Variants in GRIN3A observed in about 807,000 individuals in gnomAD.
GRIN3A encodes glutamate ionotropic receptor NMDA type subunit 3A, also known as glutamate receptor ionotropic, NMDA 3A.
Under a neutral mutation model 92.4 loss-of-function variants are expected in GRIN3A, and 47 were observed. The ratio of observed to expected loss-of-function variants is 0.51; its 90% confidence interval spans 0.40 to 0.65. GRIN3A has a LOEUF of 0.65. Ranked by LOEUF, GRIN3A falls within the 30% of genes least tolerant of loss-of-function variation. The probability of loss-of-function intolerance (pLI) is 0.00; values close to 1 mark genes in which losing one functional copy is unlikely to be tolerated. For missense variants in GRIN3A, 1,324 were observed against 1,393.1 expected (o/e 0.95, Z 0.79); for synonymous variants, 527 against 540.6 (o/e 0.97, Z 0.35).
At chr9:101,676,818 C>CTTATCATT (rs1829402423) in intron 2 of GRIN3A, among the ~76,000 whole-genome samples, 2 of 151,480 alleles carry the variant, frequency 1.3e-5, no homozygotes, top group African/African-American at 4.8e-5. Flanking sequence ...CAATAAAGTC[C>CTTATCATT]TTATCATTTG....
At chr9:101,680,587 G>C (rs1264787111) in intron 2 of GRIN3A, among the ~76,000 whole-genome samples, 1 of 152,060 alleles carries the variant, frequency 6.6e-6, no homozygotes, top group Non-Finnish European at 1.5e-5. Context: ...TATAATCACT[G>C]GTATAAAGGG....
At chr9:101,579,114 T>A (rs1588234552) in intron 7 of GRIN3A, 82 bp downstream of exon 7, 4 of 1,420,600 alleles carry the variant, frequency 2.8e-6, no homozygotes, top group Admixed American at 3.4e-5. Context: ...AACTTAGTAG[T>A]CTGACATAGG....
chr9:101,641,704 A>T (rs1828866006), intron 3 of GRIN3A, among the ~76,000 whole-genome samples: 1 of 151,988 alleles, frequency 6.6e-6, no homozygotes, highest in Non-Finnish European at 1.5e-5. Context: ...TGGGTGCAGC[A>T]TACCAACATG....
At chr9:101,647,330 CT>C (rs1163545218) in intron 3 of GRIN3A, among the ~76,000 whole-genome samples, 1 of 151,704 alleles carries the variant, frequency 6.6e-6, no homozygotes, top group Non-Finnish European at 1.5e-5. Flanking sequence ...TCCTTCTGTC[CT>C]TGAGATTAAT....
intron 1 of GRIN3A, among the ~76,000 whole-genome samples, chr9:101,688,427 T>C (rs1829565552): frequency 6.6e-6 from 1 of 152,228 alleles, no homozygotes; most frequent in Non-Finnish European, 1.5e-5. Context: ...TAAAATTTGT[T>C]CTGAGAATTT....
intron 1 of GRIN3A, among the ~76,000 whole-genome samples, chr9:101,725,288 TTATC>T (rs1311234594): frequency 2.0e-5 from 3 of 152,196 alleles, no homozygotes; most frequent in Non-Finnish European, 4.4e-5. Context: ...TTAAGAAAAT[TTATC>T]TAGCAGCAGT....
At chr9:101,628,455 T>C in intron 3 of GRIN3A, 54 bp from the exon 4 acceptor site, 1 of 1,542,080 alleles carries the variant, frequency 6.5e-7, no homozygotes, top group Non-Finnish European at 8.9e-7. Flanking sequence ...AGAAGTGTTT[T>C]TTAACATTTT....
At chr9:101,713,366 T>C (rs753580978) in intron 1 of GRIN3A, among the ~76,000 whole-genome samples, 14 of 152,136 alleles carry the variant, frequency 9.2e-5, no homozygotes, top group Admixed American at 2.0e-4. Context: ...AGATCAGTGA[T>C]TCCCAACAAA....
chr9:101,716,444 C>T (rs1447522581), intron 1 of GRIN3A, among the ~76,000 whole-genome samples: 1 of 152,174 alleles, frequency 6.6e-6, no homozygotes, highest in East Asian at 1.9e-4. Flanking sequence ...GAGTAGTTAT[C>T]ATTATCTCAT....
chr9:101,689,170 G>C (rs768221765), intron 1 of GRIN3A, among the ~76,000 whole-genome samples: 32 of 152,064 alleles, frequency 2.1e-4, no homozygotes, highest in Non-Finnish European at 3.8e-4. Flanking sequence ...AAAAAGCAAT[G>C]GAAGGCAAGC....
At chr9:101,704,141 C>T (rs187920832) in intron 1 of GRIN3A, among the ~76,000 whole-genome samples, 7 of 139,436 alleles carry the variant, frequency 5.0e-5, no homozygotes, top group Non-Finnish European at 9.6e-5. Flanking sequence ...AAAGATGAGA[C>T]GTTTTAGCTG....
intron 3 of GRIN3A, among the ~76,000 whole-genome samples, chr9:101,646,293 G>T: frequency 6.6e-6 from 1 of 151,732 alleles, no homozygotes; most frequent in Non-Finnish European, 1.5e-5. Context: ...TCCATATGGA[G>T]ATCCAGTTTT....
chr9:101,711,321 G>A (rs1284517992), intron 1 of GRIN3A, among the ~76,000 whole-genome samples: 1 of 152,170 alleles, frequency 6.6e-6, no homozygotes, highest in Non-Finnish European at 1.5e-5. Context: ...TTCACTGACC[G>A]AAGGGATGAT....
chr9:101,703,000 C>T (rs899752738), intron 1 of GRIN3A, among the ~76,000 whole-genome samples: 9 of 152,214 alleles, frequency 5.9e-5, no homozygotes, highest in Admixed American at 4.6e-4. Context: ...AGTAAGCCTC[C>T]ATGTCTATCA....
intron 5 of GRIN3A, among the ~76,000 whole-genome samples, chr9:101,615,135 C>T (rs1428134322): frequency 3.3e-5 from 5 of 151,216 alleles, no homozygotes; most frequent in African/African-American, 1.2e-4. Context: ...AATCTCTTTG[C>T]TCAGCCATGT....
At chr9:101,682,709 G>A (rs1468242923) in intron 2 of GRIN3A, among the ~76,000 whole-genome samples, 4 of 152,252 alleles carry the variant, frequency 2.6e-5, no homozygotes, top group African/African-American at 9.6e-5. Context: ...GTAGCTGGGC[G>A]TGGTGGCTCA....
intron 6 of GRIN3A, among the ~76,000 whole-genome samples, chr9:101,608,144 A>G (rs1414048220): frequency 6.6e-6 from 1 of 152,110 alleles, no homozygotes; most frequent in Non-Finnish European, 1.5e-5. Context: ...CCTGAGAAAG[A>G]AGAGCTCTGT....
At chr9:101,687,341 G>T (rs1312975435) in intron 1 of GRIN3A, 141 bp from the exon 2 acceptor site, 2 of 823,466 alleles carry the variant, frequency 2.4e-6, no homozygotes, top group African/African-American at 1.7e-5. Flanking sequence ...CCATAGTTTG[G>T]AAAACTATGC....
chr9:101,638,260 A>C (rs866221344), intron 3 of GRIN3A, among the ~76,000 whole-genome samples: 2 of 152,198 alleles, frequency 1.3e-5, no homozygotes, highest in African/African-American at 4.8e-5. Context: ...GACCAAGCCA[A>C]CAAATTATAG....
Sources: gnomAD v4.1 joint callset for allele counts (sites outside exome capture counted in the v4.1 genomes callset) on GRCh38, gnomAD v4.1.1 for gene constraint, MANE v1.5 for transcripts, NCBI Gene and HGNC (gene_info 2026-07-23, HGNC 2026-07-21) for gene names.